The following SS18 variants were observed in gnomAD, a reference collection of about 807,000 sequenced individuals.
The protein encoded by SS18 is SS18 subunit of BAF chromatin remodeling complex, also known as protein SSXT.
Under a neutral mutation model 72.5 loss-of-function variants are expected in SS18, and 28 were observed. That is an observed-to-expected ratio of 0.39 (90% CI 0.29 to 0.53). The LOEUF is 0.53. Ranked by LOEUF, SS18 falls within the 20% of genes least tolerant of loss-of-function variation. SS18 has a pLI of 0.76. For missense variants in SS18, 518 were observed against 535.3 expected (o/e 0.97, Z 0.32); for synonymous variants, 172 against 164.2 (o/e 1.05, Z -0.37).
chr18:26,050,285 C>A (rs2053898688), intron 5 of SS18, among the ~76,000 whole-genome samples: 1 of 151,172 alleles, frequency 6.6e-6, no homozygotes, highest in South Asian at 2.1e-4. Context: ...AAGCAATAGA[C>A]CCTCTAAGAG....
chr18:26,052,871 A>G, intron 4 of SS18, 26 bp from the exon 5 acceptor site: 2 of 1,599,136 alleles, frequency 1.3e-6, no homozygotes, highest in South Asian at 2.2e-5. Flanking sequence ...ATCAGAAGCA[A>G]AATATGAAAG....
At chr18:26,019,106 C>G (rs1319153045) in intron 10 of SS18, among the ~76,000 whole-genome samples, 1 of 152,124 alleles carries the variant, frequency 6.6e-6, no homozygotes, top group African/African-American at 2.4e-5. Context: ...CAGCACAATT[C>G]TGTGAGTGGG....
At chr18:26,073,648 G>C (rs1265217113) in intron 3 of SS18, among the ~76,000 whole-genome samples, 1 of 152,152 alleles carries the variant, frequency 6.6e-6, no homozygotes, top group Non-Finnish European at 1.5e-5. Flanking sequence ...CCACACACTT[G>C]CAGTTGAAGA....
In SS18 at chr18:26,054,395, A is replaced by T. The variant is rs890351936; in HGVS notation, c.386-1550T>A. Among the ~76,000 whole-genome samples, 32 of 152,288 alleles carry T rather than the reference A, an allele frequency of 2.1e-4. 1 individual carries two copies. The highest frequency in any genetic ancestry group is 7.5e-4 in the African/African-American group (31 of 41,574). ...CAGGAATTTATGCTAGAGATATACA[A>T]ATTTTTGTGTGCATGCGTATTGACA... On this transcript the variant is annotated intron_variant, in intron 4 of 10. Transcript: ENST00000415083.
intron 4 of SS18, among the ~76,000 whole-genome samples, chr18:26,056,531 TG>T (rs2054025119): frequency 6.6e-6 from 1 of 152,230 alleles, no homozygotes; most frequent in Non-Finnish European, 1.5e-5. Flanking sequence ...CCCTCCTATA[TG>T]ATCAGTCACA....
chr18:26,033,684 TA>T (rs1012514140), intron 9 of SS18, among the ~76,000 whole-genome samples: 36 of 152,272 alleles, frequency 2.4e-4, no homozygotes, highest in African/African-American at 8.4e-4. Context: ...ATTCAATTAT[TA>T]AAACTTTATT....
rs2054048758 is a variant in SS18 at position 26,057,724 on chromosome 18, G to A, written c.250C>T (p.Pro84Ser). 6.2e-7 allele frequency: 1 copy of A among 1,609,250 alleles called. No homozygotes were observed. Among genetic ancestry groups the A allele is most frequent in the Non-Finnish European group, 8.5e-7 (1 of 1,177,032 alleles). Residue 84 changes from proline to serine, a missense_variant, in exon 4 of 11, where the codon CCT becomes TCT. Transcript: ENST00000415083. ...TGATTCATCCCTCCAGGACCCATAG[G>A]CATATTCTGTGTGGGTGGCTGAAAG... ...LLPAPPTQNM[P>S]MGPGGMNQSG...
At chr18:26,072,578 A>G (rs969249693) in intron 3 of SS18, among the ~76,000 whole-genome samples, 5 of 152,042 alleles carry the variant, frequency 3.3e-5, no homozygotes, top group Admixed American at 6.6e-5. Context: ...CAGACGGATC[A>G]CGAGGTCAGG....
chr18:26,051,639 G>A (rs1439522723), intron 5 of SS18, among the ~76,000 whole-genome samples: 2 of 151,932 alleles, frequency 1.3e-5, no homozygotes, highest in African/African-American at 4.8e-5. Context: ...GCTGTTGTTT[G>A]GACTTTTAAT....
chr18:26,027,414 C>T (rs1042452958), intron 10 of SS18, among the ~76,000 whole-genome samples: 30 of 151,760 alleles, frequency 2.0e-4, no homozygotes, highest in African/African-American at 6.8e-4. Flanking sequence ...TCTAGGAGGC[C>T]GAAGCAGGCG....
chr18:26,041,414 A>C (rs2053721060), intron 5 of SS18, among the ~76,000 whole-genome samples: 4 of 152,140 alleles, frequency 2.6e-5, no homozygotes, highest in Admixed American at 1.3e-4. Context: ...ACAAGTGTGA[A>C]ACTCTGCCTC....
At chr18:26,027,236 T>C (rs574387179) in intron 10 of SS18, among the ~76,000 whole-genome samples, 23 of 152,146 alleles carry the variant, frequency 1.5e-4, no homozygotes, top group Non-Finnish European at 3.2e-4. Context: ...ATGAAGACAG[T>C]GTGGTACTGG....
intron 1 of SS18, among the ~76,000 whole-genome samples, chr18:26,088,363 G>A (rs1026477385): frequency 2.6e-5 from 4 of 152,164 alleles, no homozygotes; most frequent in Non-Finnish European, 5.9e-5. Flanking sequence ...GAGTCTTGAT[G>A]AGGTAGCTGG....
chr18:26,058,070 T>A (rs1269479826), intron 3 of SS18, among the ~76,000 whole-genome samples: 1 of 152,228 alleles, frequency 6.6e-6, no homozygotes, highest in African/African-American at 2.4e-5. Flanking sequence ...ATTATTGATG[T>A]ATTGGATACA....
chr18:26,050,009 G>A (rs2053893165), intron 5 of SS18, among the ~76,000 whole-genome samples: 1 of 152,236 alleles, frequency 6.6e-6, no homozygotes, highest in Admixed American at 6.5e-5. Flanking sequence ...CACTTCGGGA[G>A]GCTGAGGTGG....
At chr18:26,031,549 CATA>C (rs1181245158) in intron 10 of SS18, among the ~76,000 whole-genome samples, 2 of 152,116 alleles carry the variant, frequency 1.3e-5, no homozygotes, top group African/African-American at 4.8e-5. Context: ...AAGGAACTGC[CATA>C]ATAATAAATC....
At chr18:26,090,905 TCCCG>T (rs1284825967), upstream of SS18, 4 of 352,890 alleles carry the variant, frequency 1.1e-5, no homozygotes, top group East Asian at 2.3e-4. Context: ...CAGGAAATGG[TCCCG>T]CCGCCGCGGG....
chr18:26,050,283 G>A (rs2053898649), intron 5 of SS18, among the ~76,000 whole-genome samples: 1 of 150,538 alleles, frequency 6.6e-6, no homozygotes, highest in African/African-American at 2.4e-5. Flanking sequence ...GGAAGCAATA[G>A]ACCCTCTAAG....
chr18:26,088,792 C>A (rs1598621553), intron 1 of SS18, among the ~76,000 whole-genome samples: 1 of 152,194 alleles, frequency 6.6e-6, no homozygotes, highest in East Asian at 1.9e-4. Flanking sequence ...AGCACAATAC[C>A]ATAATCACGC....
Sources: allele counts gnomAD v4.1 joint callset (sites outside exome capture counted in the v4.1 genomes callset), GRCh38; gene constraint gnomAD v4.1.1; transcripts MANE v1.5; gene names NCBI Gene and HGNC (gene_info 2026-07-23, HGNC 2026-07-21).